PTPRT: variants seen among roughly 807,000 people sequenced by gnomAD.
The protein encoded by PTPRT is receptor-type tyrosine-protein phosphatase T.
In PTPRT, 56 loss-of-function variants were observed where a neutral mutation model predicts 176.8. That is an observed-to-expected ratio of 0.32 (90% CI 0.26 to 0.40). PTPRT has a LOEUF of 0.40. Ranked by LOEUF, PTPRT falls within the 10% of genes least tolerant of loss-of-function variation. The probability of loss-of-function intolerance (pLI) is 1.00; values close to 1 mark genes in which losing one functional copy is unlikely to be tolerated. For missense variants in PTPRT, 1,540 were observed against 1,908.2 expected, an observed-to-expected ratio of 0.81 and a Z score of 3.60; for synonymous variants, 783 against 739.0, an observed-to-expected ratio of 1.06 and a Z score of -0.96.
At chr20:42,827,860 G>A (rs1453771826) in intron 2 of PTPRT, among the ~76,000 whole-genome samples, 2 of 152,172 alleles carry the variant, frequency 1.3e-5, no homozygotes, top group Non-Finnish European at 2.9e-5. Flanking sequence ...TAAGTTTCCT[G>A]AGGCATCCCC....
At chr20:42,341,757 T>C (rs1342168192) in intron 11 of PTPRT, among the ~76,000 whole-genome samples, 1 of 152,174 alleles carries the variant, frequency 6.6e-6, no homozygotes, top group Non-Finnish European at 1.5e-5. Context: ...GAGGTGAGCA[T>C]GACAACCACT....
chr20:42,276,554 T>TATATTTATATAA (rs2057041848), intron 13 of PTPRT, among the ~76,000 whole-genome samples: 7 of 89,884 alleles, frequency 7.8e-5, no homozygotes, highest in East Asian at 3.2e-4. Context: ...TATATATATA[T>TATATTTATATAA]ATATAATGTT....
chr20:42,587,196 C>T (rs1014384588), intron 7 of PTPRT, among the ~76,000 whole-genome samples: 3 of 152,216 alleles, frequency 2.0e-5, no homozygotes, highest in African/African-American at 7.2e-5. Flanking sequence ...AGTTCCCACT[C>T]ATGACAAACT....
the PTPRT span, among the ~76,000 whole-genome samples, chr20:42,036,645 A>G: frequency 3.3e-5 from 5 of 152,196 alleles, no homozygotes; most frequent in Non-Finnish European, 7.3e-5. Flanking sequence ...GCATTAGAGG[A>G]TGAAGGCCTG....
chr20:43,101,796 G>A (rs951648319), intron 1 of PTPRT, among the ~76,000 whole-genome samples: 12 of 152,308 alleles, frequency 7.9e-5, no homozygotes, highest in Admixed American at 1.3e-4. Flanking sequence ...CATGGGAGTA[G>A]GGGCAATTCT....
intron 15 of PTPRT, among the ~76,000 whole-genome samples, chr20:42,205,584 G>T (rs574894831): frequency 5.3e-5 from 8 of 152,152 alleles, no homozygotes; most frequent in Non-Finnish European, 8.8e-5. Context: ...TCTGGGCTAG[G>T]AACAGGACCA....
intron 9 of PTPRT, among the ~76,000 whole-genome samples, chr20:42,379,248 G>T (rs919539705): frequency 6.6e-6 from 1 of 152,184 alleles, no homozygotes; most frequent in Non-Finnish European, 1.5e-5. Flanking sequence ...CCAACACCTG[G>T]TCATTACTCA....
At chr20:42,806,134 C>A (rs1015694548) in intron 2 of PTPRT, among the ~76,000 whole-genome samples, 2 of 151,788 alleles carry the variant, frequency 1.3e-5, no homozygotes, top group Admixed American at 6.6e-5. Flanking sequence ...CATCCCTGGG[C>A]AAATTACATA....
At position 42,962,640 on chromosome 20, in the gene PTPRT, C is replaced by G. The variant is rs553068273; in HGVS notation, c.89-76708G>C. ...GCTGAAAACGCTAATGATTAAATAT[C>G]TGCAGGATTTAAAGCACTCTGTTCA... On this transcript the variant is annotated intron_variant, in intron 1 of 30. Coordinates refer to ENST00000373187, the MANE Select transcript of PTPRT (RefSeq NM_007050.6). Among the ~76,000 whole-genome samples, 12 of 152,298 alleles carry G rather than the reference C, an allele frequency of 7.9e-5. No homozygotes were observed. The South Asian group carries it at 2.5e-3, about 32-fold the overall frequency.
chr20:42,582,916 TA>T (rs2073401643), intron 7 of PTPRT, among the ~76,000 whole-genome samples: 1 of 152,132 alleles, frequency 6.6e-6, no homozygotes, highest in Non-Finnish European at 1.5e-5. Flanking sequence ...ACAGGGTTAC[TA>T]AGAAGTGCTT....
chr20:42,844,645 G>A lies in PTPRT; in HGVS notation c.214+41162C>T, dbSNP rs115778259. Among the ~76,000 whole-genome samples, 586 of 152,202 alleles carry A rather than the reference G, an allele frequency of 3.9e-3. 3 individuals carry two copies. Among genetic ancestry groups the A allele is most frequent in the African/African-American group, 0.013 (550 of 41,530 alleles). ...CCCATGACTTCCCCCACATGACAAT[G>A]GGCTAAGTGGGGCTCTCATGCTTCC... On this transcript the variant is annotated intron_variant, in intron 2 of 30. Transcript: ENST00000373187.
At chr20:42,906,599 A>C (rs781543635) in intron 1 of PTPRT, among the ~76,000 whole-genome samples, 4 of 152,178 alleles carry the variant, frequency 2.6e-5, no homozygotes, top group Non-Finnish European at 4.4e-5. Context: ...ATGCCCACTG[A>C]GGCTTCAGTT....
At chr20:42,585,095 C>G (rs889429544) in intron 7 of PTPRT, among the ~76,000 whole-genome samples, 1 of 152,072 alleles carries the variant, frequency 6.6e-6, no homozygotes, top group South Asian at 2.1e-4. Context: ...AAAATGGTTA[C>G]CCTTTATTTT....
At chr20:42,831,598 C>T (rs938702587) in intron 2 of PTPRT, among the ~76,000 whole-genome samples, 2 of 152,162 alleles carry the variant, frequency 1.3e-5, no homozygotes, top group African/African-American at 4.8e-5. Context: ...AGACAACCTA[C>T]ATAATGCGAG....
intron 2 of PTPRT, among the ~76,000 whole-genome samples, chr20:42,828,679 G>C (rs2078037534): frequency 6.6e-6 from 1 of 152,236 alleles, no homozygotes; most frequent in Non-Finnish European, 1.5e-5. Flanking sequence ...CCAAGGTACA[G>C]CTCAGGCTAT....
rs562996354 is a variant in PTPRT, at chr20:42,154,926, T to C, written c.2682+6426A>G. Among the ~76,000 whole-genome samples the C allele has an allele frequency of 1.2e-4, 19 of 152,164 alleles. No homozygotes were observed. In the South Asian group the frequency reaches 3.1e-3, roughly 25 times the overall value. ...CAGAATCACATGCTCTTGACTTTAATAGGAAGGGTATATGGTTCAGAATCA... is the reference window on the plus strand; with the variant it reads ...CAGAATCACATGCTCTTGACTTTAACAGGAAGGGTATATGGTTCAGAATCA... On this transcript the variant is annotated intron_variant, in intron 17 of 30. Transcript: ENST00000373187.
At chr20:42,593,829 T>C (rs2073622359) in intron 7 of PTPRT, among the ~76,000 whole-genome samples, 1 of 152,160 alleles carries the variant, frequency 6.6e-6, no homozygotes, top group Admixed American at 6.5e-5. Context: ...TTTTAAACCT[T>C]GAATAAATAG....
chr20:42,895,303 A>G (rs1179833851), intron 1 of PTPRT, among the ~76,000 whole-genome samples: 1 of 152,174 alleles, frequency 6.6e-6, no homozygotes, highest in East Asian at 1.9e-4. Context: ...GTCCTCACAC[A>G]GCCTTTCCTT....
intron 13 of PTPRT, among the ~76,000 whole-genome samples, chr20:42,275,423 T>C (rs181280237): frequency 6.6e-6 from 1 of 152,290 alleles, no homozygotes; most frequent in East Asian, 1.9e-4. Flanking sequence ...GTCTCTCAGA[T>C]CTTGAGTAGA....
Sources: allele counts gnomAD v4.1 joint callset (sites outside exome capture counted in the v4.1 genomes callset), GRCh38; gene constraint gnomAD v4.1.1; transcripts MANE v1.5; gene names NCBI Gene and HGNC (gene_info 2026-07-23, HGNC 2026-07-21).